Variants in TRABD2A observed in about 807,000 individuals in gnomAD.
TRABD2A encodes TraB domain containing 2A, also known as metalloprotease TIKI1.
A neutral mutation model predicts 45.6 loss-of-function variants in TRABD2A; 43 were observed. That is an observed-to-expected ratio of 0.94 (90% CI 0.74 to 1.22). The LOEUF is 1.22. Ranked by LOEUF, TRABD2A falls within the 50% of genes most tolerant of loss-of-function variation. The pLI is 0.00. For missense variants in TRABD2A, 642 were observed against 652.4 expected, an observed-to-expected ratio of 0.98 and a Z score of 0.17; for synonymous variants, 269 against 265.0, an observed-to-expected ratio of 1.02 and a Z score of -0.15.
chr2:84,836,078 C>T (rs945596568), intron 4 of TRABD2A: 1 of 152,180 alleles, frequency 6.6e-6, no homozygotes, highest in Non-Finnish European at 1.5e-5. Flanking sequence ...TTAAAAATTA[C>T]AAGTCACACT....
chr2:84,854,535 T>A (rs1462191894), intron 2 of TRABD2A, among the ~76,000 whole-genome samples: 2 of 152,016 alleles, frequency 1.3e-5, no homozygotes, highest in Non-Finnish European at 2.9e-5. Flanking sequence ...TACTAGGAAA[T>A]GGGGGAGCCA....
At chr2:84,876,183 A>T (rs184658270) in intron 1 of TRABD2A, among the ~76,000 whole-genome samples, 91 of 152,270 alleles carry the variant, frequency 6.0e-4, no homozygotes, top group African/African-American at 2.1e-3. Flanking sequence ...GTAGGTGAAT[A>T]TGTAAGTCTG....
chr2:84,855,978 C>T (rs936363760), intron 2 of TRABD2A, among the ~76,000 whole-genome samples: 1 of 152,174 alleles, frequency 6.6e-6, no homozygotes, highest in Admixed American at 6.5e-5. Flanking sequence ...CCGCCCATTA[C>T]GCGGCTCACA....
chr2:84,877,087 T>C (rs1284093896), intron 1 of TRABD2A, among the ~76,000 whole-genome samples: 3 of 152,202 alleles, frequency 2.0e-5, no homozygotes, highest in Non-Finnish European at 4.4e-5. Flanking sequence ...TCCCACTGTG[T>C]GCACCAATAA....
intron 4 of TRABD2A, chr2:84,838,281 C>T (rs1180887040): frequency 1.4e-6 from 1 of 716,780 alleles, no homozygotes; most frequent in East Asian, 2.7e-5. Flanking sequence ...GTTAAAATGC[C>T]ACAAAGCCCA....
intron 1 of TRABD2A, chr2:84,879,654 G>C: frequency 1.0e-6 from 1 of 974,412 alleles, no homozygotes; most frequent in Non-Finnish European, 1.2e-6. Flanking sequence ...GCTTTCTTGT[G>C]AGGAGATGGA....
At chr2:84,825,087 T>G (rs1681112531) in intron 5 of TRABD2A, among the ~76,000 whole-genome samples, 1 of 152,168 alleles carries the variant, frequency 6.6e-6, no homozygotes, top group African/African-American at 2.4e-5. Context: ...CTACTAGATG[T>G]CAATCCCATT....
intron 5 of TRABD2A, among the ~76,000 whole-genome samples, chr2:84,827,834 G>A (rs1256174668): frequency 2.6e-5 from 4 of 152,168 alleles, no homozygotes; most frequent in African/African-American, 9.7e-5. Flanking sequence ...GAAGATGGAA[G>A]GCTCCACAAG....
chr2:84,831,745 T>C (rs1362524581), intron 5 of TRABD2A, among the ~76,000 whole-genome samples: 1 of 151,988 alleles, frequency 6.6e-6, no homozygotes, highest in Non-Finnish European at 1.5e-5. Context: ...TAATTACTCC[T>C]CCTTTCCCCT....
Position 84,881,025 on chromosome 2 carries a change from G to T in TRABD2A, c.15C>A (p.Ser5Arg). Reference sequence around the variant, plus strand: ...GGCAGAGGGTCTGCAGCAGGAACCAGCTCCAGGGACTCATCCTCCTCAAGG... The same window carrying T: ...GGCAGAGGGTCTGCAGCAGGAACCATCTCCAGGGACTCATCCTCCTCAAGG... MSPW[S>R]WFLLQTLCLL... is the part of the protein sequence containing the mutation. The change falls in exon 1 of 7, where the codon AGC becomes AGA. Residue 5 changes from serine to arginine, a missense_variant. Coordinates refer to ENST00000409520, the MANE Select transcript of TRABD2A (RefSeq NM_001277053.2). 6.2e-7 allele frequency: 1 copy of T among 1,604,532 alleles called. No homozygotes were observed. The highest frequency in any genetic ancestry group is 8.5e-7 in the Non-Finnish European group (1 of 1,176,438).
At chr2:84,852,429 T>C (rs1573937204) in intron 2 of TRABD2A, among the ~76,000 whole-genome samples, 1 of 150,724 alleles carries the variant, frequency 6.6e-6, no homozygotes, top group Non-Finnish European at 1.5e-5. Context: ...AGCATGACCA[T>C]GGGATTGGGG....
At position 84,870,752 on chromosome 2, in the gene TRABD2A, T is replaced by C. The variant is rs965691003; in HGVS notation, c.142A>G (p.Lys48Glu). Residue 48 changes from lysine to glutamate, a missense_variant, in exon 2 of 7, where the codon AAG becomes GAG. Transcript: ENST00000409520. ...SELNSFLWTIKRDPPSYFFGT... is the reference protein window; with the variant it reads ...SELNSFLWTIERDPPSYFFGT... ...AAGAAGTAAGATGGTGGGTCTCGCTTAATGGTCCACAAGAAGGAATTCAGC... is the reference window on the plus strand; with the variant it reads ...AAGAAGTAAGATGGTGGGTCTCGCTCAATGGTCCACAAGAAGGAATTCAGC... The C allele has an allele frequency of 1.9e-5, 30 of 1,594,518 alleles. No homozygotes were observed. Among genetic ancestry groups the C allele is most frequent in the Non-Finnish European group, 2.6e-5 (30 of 1,170,408 alleles).
intron 2 of TRABD2A, among the ~76,000 whole-genome samples, chr2:84,864,494 G>A (rs1221207066): frequency 6.6e-6 from 1 of 152,084 alleles, no homozygotes; most frequent in Non-Finnish European, 1.5e-5. Flanking sequence ...AGTCAATAGG[G>A]GTCCCGCATG....
chr2:84,846,450 C>A (rs865917280), intron 2 of TRABD2A, among the ~76,000 whole-genome samples: 1 of 152,188 alleles, frequency 6.6e-6, no homozygotes, highest in Non-Finnish European at 1.5e-5. Context: ...TCAAGAGATA[C>A]AGTGCCTCGA....
chr2:84,874,875 TAGAA>T (rs1559100298), intron 1 of TRABD2A: 1 of 175,478 alleles, frequency 5.7e-6, no homozygotes. Flanking sequence ...CACCAAGAAA[TAGAA>T]AGAAACAGGA....
intron 6 of TRABD2A, 143 bp from the exon 7 acceptor site, chr2:84,822,243 A>G (rs977409312): frequency 1.7e-5 from 11 of 650,764 alleles, no homozygotes; most frequent in Non-Finnish European, 2.6e-5. Flanking sequence ...TAGGCTTCCT[A>G]TATCTCTGGC....
At chr2:84,838,566 C>A (rs546789465) in intron 4 of TRABD2A, among the ~76,000 whole-genome samples, 1 of 152,264 alleles carries the variant, frequency 6.6e-6, no homozygotes, top group South Asian at 2.1e-4. Flanking sequence ...AAAGCCCAGC[C>A]CAGCAAATGA....
chr2:84,868,228 C>G (rs962397695), intron 2 of TRABD2A, among the ~76,000 whole-genome samples: 3 of 152,116 alleles, frequency 2.0e-5, no homozygotes, highest in Non-Finnish European at 4.4e-5. Context: ...AAATGGGGCA[C>G]ATATACGCCT....
intron 2 of TRABD2A, among the ~76,000 whole-genome samples, chr2:84,861,436 G>A (rs572515773): frequency 6.6e-6 from 1 of 152,018 alleles, no homozygotes; most frequent in African/African-American, 2.4e-5. Context: ...CCTAGATCTC[G>A]CATGCACAGT....
Sources: allele counts gnomAD v4.1 joint callset (sites outside exome capture counted in the v4.1 genomes callset), GRCh38; gene constraint gnomAD v4.1.1; transcripts MANE v1.5; gene names NCBI Gene and HGNC (gene_info 2026-07-23, HGNC 2026-07-21).